The following GRIK1 variants were observed in gnomAD, a reference collection of about 807,000 sequenced individuals.
The protein encoded by GRIK1 is glutamate ionotropic receptor kainate type subunit 1, also known as glutamate receptor ionotropic, kainate 1.
Under a neutral mutation model 105.7 loss-of-function variants are expected in GRIK1, and 69 were observed. The observed-to-expected ratio is 0.65, with a 90% confidence interval of 0.54 to 0.80. The LOEUF (loss-of-function observed/expected upper bound fraction) is 0.80, where lower values mean the gene tolerates loss of function less well. Ranked by LOEUF, GRIK1 falls within the 30% of genes least tolerant of loss-of-function variation. The probability of loss-of-function intolerance (pLI) is 0.00; values close to 1 mark genes in which losing one functional copy is unlikely to be tolerated. For synonymous variants in GRIK1, 438 were observed against 431.3 expected, an observed-to-expected ratio of 1.02 and a Z score of -0.19; for missense variants, 1,109 against 1,167.3, an observed-to-expected ratio of 0.95 and a Z score of 0.73.
chr21:29,894,404 G>A (rs1200120064), intron 1 of GRIK1, among the ~76,000 whole-genome samples: 2 of 152,130 alleles, frequency 1.3e-5, no homozygotes, highest in Admixed American at 1.3e-4. Flanking sequence ...ATTGGAGTCT[G>A]ATGTTCAAGG....
At chr21:29,567,240 A>G (rs16984364) in intron 14 of GRIK1, among the ~76,000 whole-genome samples, 8,694 of 152,254 alleles carry the variant, frequency 0.057, 760 homozygotes, top group African/African-American at 0.19. Context: ...CACAATGTAA[A>G]TAAAATATGT....
chr21:29,819,825 G>C (rs1330437245), intron 1 of GRIK1, among the ~76,000 whole-genome samples: 1 of 151,982 alleles, frequency 6.6e-6, no homozygotes, highest in African/African-American at 2.4e-5. Flanking sequence ...ATGAGACCCT[G>C]ACCCAGATGA....
intron 1 of GRIK1, among the ~76,000 whole-genome samples, chr21:29,724,648 C>T (rs1262351310): frequency 6.6e-6 from 1 of 152,120 alleles, no homozygotes; most frequent in Admixed American, 6.5e-5. Context: ...TGCATTTGCA[C>T]AGCAATGATT....
chr21:29,642,935 A>C lies in GRIK1; in HGVS notation c.989T>G (p.Met330Arg). 1.2e-6 allele frequency: 2 copies of C among 1,614,114 alleles called. No individual in the cohort carries two copies. The highest frequency in any genetic ancestry group is 1.7e-6 in the Non-Finnish European group (2 of 1,179,922). Residue 330 changes from methionine to arginine, a missense_variant, in exon 7 of 18, where the codon ATG becomes AGG. Physicochemically the swap from Met to Arg is moderately conservative, Grantham distance 91. Around this residue, in one of 5 missense-constraint regions of GRIK1, gnomAD observed 612 missense variants for 586.0 expected, o/e 1.04. Coordinates refer to ENST00000327783, the MANE Select transcript of GRIK1 (RefSeq NM_001330994.2). ...TGCCCGGTGCGAGGCAATGGCCACC[A>C]TGTACACAGCATCGTACATCAGAGC... Reference protein sequence around the residue: ...EAALMYDAVYMVAIASHRASQ... With the variant: ...EAALMYDAVYRVAIASHRASQ...
chr21:29,837,582 A>G (rs2145988406), intron 1 of GRIK1, among the ~76,000 whole-genome samples: 1 of 152,280 alleles, frequency 6.6e-6, no homozygotes, highest in South Asian at 2.1e-4. Context: ...AACAAAGACA[A>G]TTTTCCTATA....
chr21:29,878,276 G>A (rs2069267037), intron 1 of GRIK1, among the ~76,000 whole-genome samples: 1 of 152,176 alleles, frequency 6.6e-6, no homozygotes, highest in Admixed American at 6.6e-5. Context: ...TAATAAGGAA[G>A]TGAGGTTGAG....
At chr21:29,913,813 C>CTTTA (rs1180307126) in intron 1 of GRIK1, among the ~76,000 whole-genome samples, 1 of 151,516 alleles carries the variant, frequency 6.6e-6, no homozygotes, top group East Asian at 1.9e-4. Context: ...TCATTTTATT[C>CTTTA]TTTATTTCTC....
At position 29,615,295 on chromosome 21, in the gene GRIK1, A is replaced by G. The variant is rs142064026; in HGVS notation, c.1099-16358T>C. On this transcript the variant is annotated intron_variant, in intron 7 of 17. Coordinates refer to ENST00000327783, the MANE Select transcript of GRIK1 (RefSeq NM_001330994.2). The stretch of plus-strand genomic sequence containing the variant: ...CATTCACCATTTGCCTTCATGGCCC[A>G]CTATTCCTTTTTTTCTTTCTTTCTT... Among the ~76,000 whole-genome samples the G allele has an allele frequency of 3.5e-3, 530 of 150,748 alleles. 22 individuals are homozygous for G. The highest frequency in any genetic ancestry group is 0.013 in the African/African-American group (517 of 40,246).
At chr21:29,725,266 G>A (rs2064428493) in intron 1 of GRIK1, among the ~76,000 whole-genome samples, 1 of 152,174 alleles carries the variant, frequency 6.6e-6, no homozygotes, top group Non-Finnish European at 1.5e-5. Flanking sequence ...TTGCTAGTAA[G>A]TAAACATTGG....
intron 1 of GRIK1, among the ~76,000 whole-genome samples, chr21:29,842,793 A>G (rs923255290): frequency 6.6e-6 from 1 of 152,210 alleles, no homozygotes; most frequent in Non-Finnish European, 1.5e-5. Context: ...ATATGTTGGC[A>G]TTCAATACAG....
At chr21:29,845,068 C>A (rs552244068) in intron 1 of GRIK1, among the ~76,000 whole-genome samples, 1 of 152,056 alleles carries the variant, frequency 6.6e-6, no homozygotes, top group Non-Finnish European at 1.5e-5. Flanking sequence ...TTTTCCTTAT[C>A]TTTAAAATTA....
At chr21:29,551,106 G>GA (rs1337828361) in intron 16 of GRIK1, among the ~76,000 whole-genome samples, 2 of 152,082 alleles carry the variant, frequency 1.3e-5, no homozygotes, top group Non-Finnish European at 2.9e-5. Context: ...ATGCTGTGGG[G>GA]AAAAAAATCT....
intron 1 of GRIK1, among the ~76,000 whole-genome samples, chr21:29,855,687 A>G (rs939903109): frequency 2.0e-5 from 3 of 152,216 alleles, no homozygotes; most frequent in African/African-American, 7.2e-5. Flanking sequence ...TTGAGAATAG[A>G]TCAGCTGGGG....
At chr21:29,880,034 C>T (rs2069346020) in intron 1 of GRIK1, among the ~76,000 whole-genome samples, 1 of 152,100 alleles carries the variant, frequency 6.6e-6, no homozygotes, top group South Asian at 2.1e-4. Flanking sequence ...TATGGTGGGA[C>T]TACAGAGTTT....
At chr21:29,693,574 C>T (rs1337592245) in intron 2 of GRIK1, among the ~76,000 whole-genome samples, 2 of 151,998 alleles carry the variant, frequency 1.3e-5, no homozygotes, top group African/African-American at 4.8e-5. Context: ...TTGACTGCAC[C>T]GCACGATTTC....
chr21:29,629,436 G>A (rs2062211343), intron 7 of GRIK1, among the ~76,000 whole-genome samples: 1 of 151,926 alleles, frequency 6.6e-6, no homozygotes, highest in South Asian at 2.1e-4. Context: ...AAAAAAGTTT[G>A]CTAAATGGGT....
chr21:29,541,436 C>A (rs1294259888), intron 16 of GRIK1, among the ~76,000 whole-genome samples: 1 of 152,126 alleles, frequency 6.6e-6, no homozygotes, highest in Admixed American at 6.5e-5. Flanking sequence ...TTTCATAGAA[C>A]TATTATGATA....
chr21:29,698,081 C>A (rs1038498962), intron 1 of GRIK1, among the ~76,000 whole-genome samples: 2 of 150,696 alleles, frequency 1.3e-5, no homozygotes, highest in African/African-American at 4.9e-5. Flanking sequence ...CCCTTCCTCC[C>A]TTTTTACTTC....
chr21:29,599,868 A>G (rs2061485797), intron 7 of GRIK1, among the ~76,000 whole-genome samples: 2 of 152,272 alleles, frequency 1.3e-5, no homozygotes, highest in Admixed American at 1.3e-4. Context: ...CGGGATGCCG[A>G]GGTGGGCGGA....
Sources: gnomAD v4.1 joint callset for allele counts (sites outside exome capture counted in the v4.1 genomes callset) on GRCh38, gnomAD v4.1.1 for gene constraint, gnomAD v4.1.1 regional missense constraint, MANE v1.5 for transcripts, NCBI Gene and HGNC (gene_info 2026-07-23, HGNC 2026-07-21) for gene names.